Variants in ANKEF1 observed in about 807,000 individuals in gnomAD.
The protein encoded by ANKEF1 is ankyrin repeat and EF-hand domain-containing protein 1.
A neutral mutation model predicts 65.1 loss-of-function variants in ANKEF1; 43 were observed. The ratio of observed to expected loss-of-function variants is 0.66; its 90% CI spans 0.52 to 0.85. The LOEUF is 0.85. ANKEF1 is among the 40% of genes least tolerant of loss of function. The pLI, the probability that ANKEF1 is intolerant of heterozygous loss-of-function variation, is 0.00. For missense variants in ANKEF1, 934 were observed against 952.9 expected (o/e 0.98, Z 0.26); for synonymous variants, 316 against 341.5 (o/e 0.93, Z 0.82).
chr20:10,044,280 A>C, intron 4 of ANKEF1, 114 bp from the exon 5 acceptor site: 1 of 1,225,410 alleles, frequency 8.2e-7, no homozygotes, highest in South Asian at 2.1e-5. Context: ...GTAGAGAACT[A>C]AACTTGTAAG....
At chr20:10,038,707 A>G in intron 3 of ANKEF1, 60 bp downstream of exon 3, 1 of 1,306,776 alleles carries the variant, frequency 7.7e-7, no homozygotes, top group Non-Finnish European at 1.0e-6. Context: ...AGAAAGCAAT[A>G]ACATGGACTC....
rs192594499 is a variant in ANKEF1 at position 10,038,127 on chromosome 20, A to G, written c.-44-131A>G. On this transcript the variant is annotated intron_variant, in intron 2 of 10. Transcript: ENST00000378392. ...CACTCAATATTTTTGATATTTATGTATAAATCCTACTTTCTGAACATTTCT... is the reference window on the plus strand; with the variant it reads ...CACTCAATATTTTTGATATTTATGTGTAAATCCTACTTTCTGAACATTTCT... The G allele has an allele frequency of 1.0e-3, 480 of 470,924 alleles. 2 individuals carry two copies. The highest frequency in any genetic ancestry group is 8.5e-3 in the African/African-American group (433 of 51,086). 29.2% of individuals were successfully genotyped at this position (470,924 alleles called of 1,614,324 possible). A position where few individuals can be genotyped will look rare whatever the true frequency, so the allele number is the denominator to read the frequency against.
intron 9 of ANKEF1, among the ~76,000 whole-genome samples, chr20:10,053,902 TG>T (rs1568518062): frequency 6.6e-6 from 1 of 152,214 alleles, no homozygotes; most frequent in South Asian, 2.1e-4. Context: ...TGGGAGTTAC[TG>T]AGACATCAAG....
chr20:10,042,867 G>T (rs1984272178), intron 3 of ANKEF1, among the ~76,000 whole-genome samples: 1 of 152,142 alleles, frequency 6.6e-6, no homozygotes, highest in Non-Finnish European at 1.5e-5. Flanking sequence ...GGTCAACAGG[G>T]TTCACCTATC....
At position 10,035,834 on chromosome 20, in the gene ANKEF1, A is replaced by C. The variant is rs1469183365; in HGVS notation, c.-45+192A>C. On this transcript the variant is annotated intron_variant, in intron 2 of 10. Transcript: ENST00000378392. Reference sequence around the variant, plus strand: ...TTTGAGAGTTAAATGACCTGAACACACACAGATTCCCACAGATTTTCATGT... The same window carrying C: ...TTTGAGAGTTAAATGACCTGAACACCCACAGATTCCCACAGATTTTCATGT... Among the ~76,000 whole-genome samples, 3 of 152,130 alleles carry C rather than the reference A, an allele frequency of 2.0e-5. No individual in the cohort carries two copies. The East Asian group carries it at 5.8e-4, about 29-fold the overall frequency.
At chr20:10,035,381 T>A (rs1307114543) in intron 1 of ANKEF1, 48 bp downstream of exon 1, 2 of 152,236 alleles carry the variant, frequency 1.3e-5, no homozygotes, top group African/African-American at 4.8e-5. Context: ...CTCTACCCCC[T>A]CCACTCCTCT....
chr20:10,050,364 T>C (rs1600522140), intron 7 of ANKEF1, 152 bp downstream of exon 7: 1 of 426,440 alleles, frequency 2.3e-6, no homozygotes, highest in African/African-American at 2.2e-5. Context: ...TTATTAACAA[T>C]TAACTTATAG....
chr20:10,040,145 A>G (rs1026335302), intron 3 of ANKEF1, among the ~76,000 whole-genome samples: 1 of 152,252 alleles, frequency 6.6e-6, no homozygotes, highest in Non-Finnish European at 1.5e-5. Flanking sequence ...CTTGTTTCAC[A>G]CATAAGCTTG....
Position 10,056,496 on chromosome 20 carries a change from T to TAGATGATAGGTAGATA in ANKEF1, c.*836_*837insAGATGATAGGTAGATA, listed in dbSNP as rs1555773774. On this transcript the variant is annotated 3_prime_UTR_variant, in exon 11 of 11. Transcript: ENST00000378392. ...GATAGATGATAGATAGATAGATAGA[T>TAGATGATAGGTAGATA]GATAGATAGATAGATAGATAGATAG... 5 of 143,712 alleles carry TAGATGATAGGTAGATA rather than the reference T, an allele frequency of 3.5e-5. No individual in the cohort carries two copies. Among genetic ancestry groups the TAGATGATAGGTAGATA allele is most frequent in the African/African-American group, 1.3e-4 (5 of 38,020 alleles). 8.9% of individuals were successfully genotyped at this position (143,712 alleles called of 1,614,324 possible).
At chr20:10,038,896 C>A (rs35900659) in intron 3 of ANKEF1, among the ~76,000 whole-genome samples, 41 of 152,150 alleles carry the variant, frequency 2.7e-4, no homozygotes, top group Non-Finnish European at 2.8e-4. Context: ...TTGGTGGTTT[C>A]TTTTAAATGA....
At chr20:10,041,399 C>T (rs904655755) in intron 3 of ANKEF1, among the ~76,000 whole-genome samples, 6 of 151,706 alleles carry the variant, frequency 4.0e-5, no homozygotes, top group Non-Finnish European at 7.4e-5. Flanking sequence ...ATTCTTTACT[C>T]TGTTTAGTAA....
chr20:10,047,837 C>T (rs532569115), intron 6 of ANKEF1, among the ~76,000 whole-genome samples: 1 of 152,296 alleles, frequency 6.6e-6, no homozygotes, highest in African/African-American at 2.4e-5. Flanking sequence ...GGAAAACTGC[C>T]TTTAGCTCTT....
chr20:10,051,118 T>A (rs1250464178), intron 7 of ANKEF1, among the ~76,000 whole-genome samples: 1 of 152,106 alleles, frequency 6.6e-6, no homozygotes, highest in Non-Finnish European at 1.5e-5. Flanking sequence ...ATTAGATGAG[T>A]TAAAATATGT....
Position 10,038,408 on chromosome 20 carries a change from A to C in ANKEF1, c.107A>C (p.Tyr36Ser). 1 of 1,614,026 alleles carries C rather than the reference A, an allele frequency of 6.2e-7. No individual in the cohort carries two copies. ...ATAGAGAAGCTGACCAAGCTTGGAT[A>C]CCCTGAACTAATCAATTATACAGAA... ...KQIEKLTKLG[Y>S]PELINYTEPI... The change falls in exon 3 of 11, where the codon TAC becomes TCC. Residue 36 changes from tyrosine (Y) to serine (S), a missense_variant. Transcript: ENST00000378392.
At chr20:10,047,438 A>G (rs1984580045) in intron 6 of ANKEF1, among the ~76,000 whole-genome samples, 1 of 152,258 alleles carries the variant, frequency 6.6e-6, no homozygotes, top group Non-Finnish European at 1.5e-5. Flanking sequence ...CAATCAGAGC[A>G]GGAAGAAACC....
intron 5 of ANKEF1, among the ~76,000 whole-genome samples, chr20:10,045,207 G>A (rs990081295): frequency 6.6e-6 from 1 of 152,090 alleles, no homozygotes; most frequent in African/African-American, 2.4e-5. Context: ...TGTTTTCCAT[G>A]CTCTGATGCT....
At chr20:10,045,833 A>C in intron 6 of ANKEF1, 136 bp downstream of exon 6, 1 of 793,440 alleles carries the variant, frequency 1.3e-6, no homozygotes, top group Non-Finnish European at 2.0e-6. Context: ...TGTAGAAAGA[A>C]AATTGAAAAT....
chr20:10,046,793 G>C (rs1984548434), intron 6 of ANKEF1, among the ~76,000 whole-genome samples: 1 of 152,036 alleles, frequency 6.6e-6, no homozygotes, highest in Admixed American at 6.5e-5. Context: ...CTTTCACACA[G>C]ACACAAAATT....
Position 10,044,534 on chromosome 20 carries a change from C to T in ANKEF1, c.687C>T (p.Gly229=). The part of the protein sequence containing the change: ...HHAAHFAAKG[G]FFDILKLLFA... ...CTGCTCATTTTGCTGCTAAAGGAGGCTTTTTCGATGTAATAATCTATTCTT... is the reference window on the plus strand; with the variant it reads ...CTGCTCATTTTGCTGCTAAAGGAGGTTTTTTCGATGTAATAATCTATTCTT... Residue 229 remains glycine (G), a synonymous_variant, in exon 5 of 11, where the codon GGC becomes GGT. Transcript: ENST00000378392. 1 of 1,613,882 alleles carries T rather than the reference C, an allele frequency of 6.2e-7. No individual in the cohort carries two copies. Among genetic ancestry groups the T allele is most frequent in the Non-Finnish European group, 8.5e-7 (1 of 1,179,934 alleles).
Sources: gnomAD v4.1 joint callset for allele counts (sites outside exome capture counted in the v4.1 genomes callset) on GRCh38, gnomAD v4.1.1 for gene constraint, MANE v1.5 for transcripts, NCBI Gene and HGNC (gene_info 2026-07-23, HGNC 2026-07-21) for gene names.